Variants in PTPRN2 observed in about 807,000 individuals in gnomAD.
PTPRN2 encodes the protein protein tyrosine phosphatase receptor type N2.
PTPRN2 carries 74 observed loss-of-function variants against 118.8 expected under a neutral mutation model. The observed-to-expected ratio is 0.62, with a 90% CI of 0.52 to 0.76. The LOEUF (loss-of-function observed/expected upper bound fraction) is 0.76. Ranked by LOEUF, PTPRN2 falls within the 30% of genes least tolerant of loss-of-function variation. PTPRN2 has a pLI of 0.00. For missense variants in PTPRN2, 1,481 were observed against 1,394.4 expected (o/e 1.06, Z -0.99); for synonymous variants, 641 against 608.0 (o/e 1.05, Z -0.80).
At chr7:158,081,491 G>T in intron 10 of PTPRN2, 114 bp from the exon 11 acceptor site, 1 of 977,124 alleles carries the variant, frequency 1.0e-6, no homozygotes, top group Non-Finnish European at 1.6e-6. Context: ...ATCCAAGGCC[G>T]CTGTGGCTCC....
chr7:158,071,334 G>A (rs1336555970), intron 11 of PTPRN2, among the ~76,000 whole-genome samples: 1 of 124,202 alleles, frequency 8.1e-6, no homozygotes, highest in Non-Finnish European at 1.7e-5. Context: ...GGTGCCCATG[G>A]TGGTGGAGGT....
chr7:158,163,525 G>A (rs1038158944), intron 6 of PTPRN2, among the ~76,000 whole-genome samples: 70 of 147,008 alleles, frequency 4.8e-4, no homozygotes, highest in African/African-American at 1.8e-3. Context: ...TTATTTCATA[G>A]GTGATCAATA....
chr7:158,264,211 G>A (rs771282342), intron 3 of PTPRN2, among the ~76,000 whole-genome samples: 3 of 152,182 alleles, frequency 2.0e-5, no homozygotes, highest in Non-Finnish European at 4.4e-5. Context: ...AGTTGGTAAC[G>A]ACCGCCTGAA....
chr7:157,993,364 C>T (rs999397827), intron 11 of PTPRN2, among the ~76,000 whole-genome samples: 37 of 151,732 alleles, frequency 2.4e-4, no homozygotes, highest in African/African-American at 5.6e-4. Flanking sequence ...CCTGAGCCTC[C>T]GCAAAAAAAG....
At chr7:158,067,532 C>T (rs1255481417) in intron 11 of PTPRN2, among the ~76,000 whole-genome samples, 1 of 152,188 alleles carries the variant, frequency 6.6e-6, no homozygotes, top group African/African-American at 2.4e-5. Context: ...TAACGACCTC[C>T]AGCTGGTGCT....
At chr7:157,879,419 A>G (rs1367578674) in intron 12 of PTPRN2, among the ~76,000 whole-genome samples, 1 of 152,058 alleles carries the variant, frequency 6.6e-6, no homozygotes, top group Non-Finnish European at 1.5e-5. Context: ...GTGCACGCAC[A>G]CACACACAGA....
intron 11 of PTPRN2, among the ~76,000 whole-genome samples, chr7:157,924,297 AT>A: frequency 6.6e-6 from 1 of 152,312 alleles, no homozygotes; most frequent in East Asian, 1.9e-4. Context: ...AACACTGTCC[AT>A]TGGAACATCA....
chr7:157,624,807 T>G (rs547193795), intron 14 of PTPRN2, among the ~76,000 whole-genome samples: 1 of 152,330 alleles, frequency 6.6e-6, no homozygotes, highest in East Asian at 1.9e-4. Flanking sequence ...TAAACAGTAT[T>G]TGTGGCTTTT....
intron 6 of PTPRN2, among the ~76,000 whole-genome samples, chr7:158,156,738 C>A (rs1821855012): frequency 1.3e-5 from 2 of 152,272 alleles, no homozygotes; most frequent in South Asian, 4.1e-4. Context: ...CAGTGCCTTC[C>A]CTACACCTGC....
At chr7:157,814,436 G>A (rs1325375221) in intron 12 of PTPRN2, among the ~76,000 whole-genome samples, 1 of 151,776 alleles carries the variant, frequency 6.6e-6, no homozygotes, top group African/African-American at 2.4e-5. Context: ...CATGGGGCAG[G>A]ACGGGAGCAG....
intron 11 of PTPRN2, among the ~76,000 whole-genome samples, chr7:158,010,131 C>T (rs116557662): frequency 0.012 from 1,799 of 152,300 alleles, 37 homozygotes; most frequent in African/African-American, 0.041. Flanking sequence ...CTGCTTACTC[C>T]GGCATCCCCA....
At position 158,508,285 on chromosome 7, in the gene PTPRN2, C is replaced by T. The variant is rs566152312; in HGVS notation, c.113-18500G>A. On this transcript the variant is annotated intron_variant, in intron 1 of 22. Coordinates refer to ENST00000389418, the MANE Select transcript of PTPRN2 (RefSeq NM_002847.5). ...TGGTCATCCGAAAGCTTTCGATGGTCGGCAGGACTATGAATTGAACCAGTC... is the reference window on the plus strand; with the variant it reads ...TGGTCATCCGAAAGCTTTCGATGGTTGGCAGGACTATGAATTGAACCAGTC... Among the ~76,000 whole-genome samples, 9 of 152,302 alleles carry T rather than the reference C, an allele frequency of 5.9e-5. 1 individual carries two copies. In the South Asian group the frequency reaches 1.9e-3, roughly 32 times the overall value.
intron 12 of PTPRN2, among the ~76,000 whole-genome samples, 170 bp downstream of exon 12, chr7:157,898,503 A>G (rs1169126473): frequency 6.6e-6 from 1 of 152,178 alleles, no homozygotes; most frequent in Non-Finnish European, 1.5e-5. Context: ...ACGTTTCGCC[A>G]CCGTTTCCCA....
chr7:157,843,556 T>C (rs10247346), intron 12 of PTPRN2, among the ~76,000 whole-genome samples: 85,402 of 152,022 alleles, frequency 0.56, 25,067 homozygotes, highest in East Asian at 0.84. Context: ...CCAACTTCCC[T>C]GGCCACTGAC....
At chr7:158,523,860 A>G (rs879174922) in intron 1 of PTPRN2, among the ~76,000 whole-genome samples, 3 of 18,764 alleles carry the variant, frequency 1.6e-4, no homozygotes, top group Non-Finnish European at 9.0e-5. Flanking sequence ...GGAGTCGTCT[A>G]CCCTGGAGTG....
intron 14 of PTPRN2, among the ~76,000 whole-genome samples, chr7:157,648,678 ACT>A: frequency 3.5e-5 from 5 of 141,982 alleles, no homozygotes; most frequent in African/African-American, 1.0e-4. Flanking sequence ...AGACCCTTTC[ACT>A]GTGCACTGAA....
rs1824712562 is a variant in PTPRN2, at chr7:158,525,579, G to A, written c.113-35794C>T. On this transcript the variant is annotated intron_variant, in intron 1 of 22. Transcript: ENST00000389418. This position sits in a 1 kb window ranked among gnomAD's most constrained non-coding sequence, Gnocchi z 4.1. ...TCACTGTATCTCCTCCCTTCCTCCT[G>A]AGAGGTCCTACGGGATGGAGTATTA... 6.6e-6 allele frequency among the ~76,000 whole-genome samples: 1 copy of A among 152,226 alleles called. No homozygotes were observed. The highest frequency in any genetic ancestry group is 2.1e-4 in the South Asian group (1 of 4,836).
At chr7:158,110,998 C>G (rs75428353) in intron 9 of PTPRN2, 83 bp from the exon 10 acceptor site, 1 of 1,205,272 alleles carries the variant, frequency 8.3e-7, no homozygotes. Context: ...CCCACAGCCC[C>G]GCTCCCTGGT....
At chr7:158,468,718 T>C (rs1819559767) in intron 2 of PTPRN2, among the ~76,000 whole-genome samples, 1 of 151,988 alleles carries the variant, frequency 6.6e-6, no homozygotes, top group Non-Finnish European at 1.5e-5. Context: ...CAGTCCCCTA[T>C]GCTTGTCCCA....
Sources: gnomAD v4.1 joint callset for allele counts (sites outside exome capture counted in the v4.1 genomes callset) on GRCh38, gnomAD v4.1.1 for gene constraint, Gnocchi (gnomAD v3.1) non-coding constraint, MANE v1.5 for transcripts, NCBI Gene and HGNC (gene_info 2026-07-23, HGNC 2026-07-21) for gene names.